HFM1: variants seen among roughly 807,000 people sequenced by gnomAD.
HFM1 encodes helicase for meiosis 1.
A neutral mutation model predicts 192.1 loss-of-function variants in HFM1; 169 were observed. The ratio of observed to expected loss-of-function variants is 0.88; its 90% confidence interval spans 0.78 to 1.00. The LOEUF (loss-of-function observed/expected upper bound fraction) is 1.00, where lower values mean the gene tolerates loss of function less well. Among genes scored for constraint, HFM1 ranks in the 50% least tolerant of loss-of-function variants. The probability of loss-of-function intolerance (pLI) is 0.00; values close to 1 mark genes in which losing one functional copy is unlikely to be tolerated. For missense variants in HFM1, 1,661 were observed against 1,668.0 expected (o/e 1.00, Z 0.07); for synonymous variants, 525 against 537.8 (o/e 0.98, Z 0.33).
intron 20 of HFM1, among the ~76,000 whole-genome samples, chr1:91,335,346 C>G (rs534711687): frequency 6.6e-6 from 1 of 152,072 alleles, no homozygotes; most frequent in South Asian, 2.1e-4. Context: ...GTCCTCTTAC[C>G]CTAAATATTT....
intron 30 of HFM1, among the ~76,000 whole-genome samples, chr1:91,298,128 G>C (rs1355584565): frequency 6.6e-6 from 1 of 152,156 alleles, no homozygotes; most frequent in African/African-American, 2.4e-5. Context: ...AGCACAAGAA[G>C]TACCTGACGA....
intron 30 of HFM1, among the ~76,000 whole-genome samples, chr1:91,303,669 CAT>C (rs36114555): frequency 0.099 from 15,009 of 152,176 alleles, 1,041 homozygotes; most frequent in African/African-American, 0.2. Context: ...CTTATCAACA[CAT>C]GTTATTGTCC....
intron 30 of HFM1, among the ~76,000 whole-genome samples, chr1:91,286,575 T>G (rs1207347191): frequency 6.6e-6 from 1 of 152,210 alleles, no homozygotes; most frequent in Non-Finnish European, 1.5e-5. Flanking sequence ...TAGGATGCAG[T>G]CATATTGGAT....
rs902302470 is a variant in HFM1, at chr1:91,295,504, A to T, written c.3391+17845T>A. Among the ~76,000 whole-genome samples the T allele has an allele frequency of 9.2e-5, 14 of 152,248 alleles. No homozygotes were observed. In the East Asian group the frequency reaches 2.7e-3, roughly 29 times the overall value. On this transcript the variant is annotated intron_variant, in intron 30 of 38. Coordinates refer to ENST00000370425, the MANE Select transcript of HFM1 (RefSeq NM_001017975.6). ...CTCTTCTTATAAGAACACCAGGCATATTGGATTGGGGTTCACACTAAGGAA... is the reference window on the plus strand; with the variant it reads ...CTCTTCTTATAAGAACACCAGGCATTTTGGATTGGGGTTCACACTAAGGAA...
intron 18 of HFM1, 138 bp from the exon 19 acceptor site, chr1:91,347,614 G>C (rs541869873): frequency 2.2e-6 from 1 of 453,038 alleles, no homozygotes; most frequent in Non-Finnish European, 4.0e-6. Flanking sequence ...TTCAAACAAG[G>C]CTTAAATATC....
chr1:91,304,970 C>T (rs1176362252), intron 30 of HFM1, among the ~76,000 whole-genome samples: 3 of 152,122 alleles, frequency 2.0e-5, no homozygotes, highest in African/African-American at 7.2e-5. Flanking sequence ...CAAAAATAAA[C>T]TGGCAGAGAG....
chr1:91,265,129 A>G (rs1195430068), intron 36 of HFM1, among the ~76,000 whole-genome samples: 2 of 152,090 alleles, frequency 1.3e-5, no homozygotes, highest in African/African-American at 4.8e-5. Flanking sequence ...CACTCTGCAT[A>G]CTGCTGCTAG....
intron 30 of HFM1, among the ~76,000 whole-genome samples, chr1:91,293,546 A>C (rs1199003434): frequency 1.3e-5 from 2 of 149,456 alleles, no homozygotes; most frequent in African/African-American, 4.9e-5. Flanking sequence ...AAGTCAGGAA[A>C]CAACAGGTGC....
intron 30 of HFM1, among the ~76,000 whole-genome samples, chr1:91,287,692 T>A (rs367555): frequency 6.6e-6 from 1 of 151,844 alleles, no homozygotes; most frequent in African/African-American, 2.4e-5. Context: ...AGAGAAGAAG[T>A]CTTCAGACGA....
intron 30 of HFM1, among the ~76,000 whole-genome samples, chr1:91,309,927 A>G (rs1650188403): frequency 6.6e-6 from 1 of 151,864 alleles, no homozygotes; most frequent in African/African-American, 2.4e-5. Context: ...GAAAACTACT[A>G]TCATTTAAAA....
intron 34 of HFM1, among the ~76,000 whole-genome samples, chr1:91,272,522 A>G (rs1482440922): frequency 1.3e-5 from 2 of 152,078 alleles, no homozygotes; most frequent in African/African-American, 4.8e-5. Flanking sequence ...ATATAACACA[A>G]AAGTAAGCAG....
At chr1:91,303,727 A>C (rs1174279448) in intron 30 of HFM1, among the ~76,000 whole-genome samples, 1 of 152,234 alleles carries the variant, frequency 6.6e-6, no homozygotes, top group Non-Finnish European at 1.5e-5. Context: ...GTGGTATCTT[A>C]CTGTGGTTTT....
At chr1:91,338,475 T>C (rs552735103) in intron 20 of HFM1, among the ~76,000 whole-genome samples, 2 of 152,266 alleles carry the variant, frequency 1.3e-5, no homozygotes, top group East Asian at 3.9e-4. Flanking sequence ...GTTGCCCAAC[T>C]GGGGCACCGC....
chr1:91,328,580 T>C, intron 20 of HFM1: 3 of 1,609,894 alleles, frequency 1.9e-6, no homozygotes, highest in Non-Finnish European at 8.5e-7. Flanking sequence ...CTGATAGGCA[T>C]GTTCTACCGC....
At chr1:91,276,446 G>A (rs550193562) in intron 32 of HFM1, among the ~76,000 whole-genome samples, 182 bp downstream of exon 32, 1 of 152,178 alleles carries the variant, frequency 6.6e-6, no homozygotes, top group East Asian at 1.9e-4. Context: ...AAAGAAGAAA[G>A]ATTTAGAAGA....
At chr1:91,314,270 T>C (rs932772163) in intron 28 of HFM1, among the ~76,000 whole-genome samples, 95 of 152,314 alleles carry the variant, frequency 6.2e-4, no homozygotes, top group African/African-American at 2.3e-3. Flanking sequence ...TTAATTTTCT[T>C]TGAGACAGAA....
chr1:91,340,150 C>T (rs1655132348), intron 20 of HFM1, among the ~76,000 whole-genome samples: 1 of 152,132 alleles, frequency 6.6e-6, no homozygotes, highest in Non-Finnish European at 1.5e-5. Context: ...GGACTATAGA[C>T]ACATGCCATC....
intron 32 of HFM1, among the ~76,000 whole-genome samples, chr1:91,276,065 C>T (rs1399949490): frequency 6.6e-6 from 1 of 151,372 alleles, no homozygotes; most frequent in Non-Finnish European, 1.5e-5. Flanking sequence ...TTTAAAGATC[C>T]CTCTCTCTCT....
At chr1:91,326,309 G>A (rs956816990) in intron 20 of HFM1, among the ~76,000 whole-genome samples, 4 of 152,032 alleles carry the variant, frequency 2.6e-5, no homozygotes, top group Admixed American at 1.3e-4. Context: ...GCTACCTCAC[G>A]GTATTTAATA....
Sources: gnomAD v4.1 joint callset for allele counts (sites outside exome capture counted in the v4.1 genomes callset) on GRCh38, gnomAD v4.1.1 for gene constraint, MANE v1.5 for transcripts, NCBI Gene and HGNC (gene_info 2026-07-23, HGNC 2026-07-21) for gene names.